The following SLC12A7 variants were observed in gnomAD, a reference collection of about 807,000 sequenced individuals.
The protein encoded by SLC12A7 is K-Cl cotransporter 4.
SLC12A7 carries 100 observed loss-of-function variants against 120.6 expected under a neutral mutation model. The ratio of observed to expected loss-of-function variants is 0.83; its 90% CI spans 0.71 to 0.98. The LOEUF (loss-of-function observed/expected upper bound fraction) is 0.98. Among genes scored for constraint, SLC12A7 ranks in the 50% least tolerant of loss-of-function variants. The pLI is 0.00. For missense variants in SLC12A7, 1,373 were observed against 1,548.1 expected (o/e 0.89, Z 1.90); for synonymous variants, 760 against 678.0 (o/e 1.12, Z -1.88).
In SLC12A7 at chr5:1,089,129, C is replaced by G; in HGVS notation, c.343-1G>C. The stretch of plus-strand genomic sequence containing the variant: ...CGATGAAGGTGCCCATGCGCGGAGC[C>G]TGCGACAGAGCATAGCGTGTCCCAG... On this transcript the variant is annotated splice_acceptor_variant, in intron 3 of 23. Coordinates refer to ENST00000264930, the MANE Select transcript of SLC12A7 (RefSeq NM_006598.3). LOFTEE classifies it high-confidence loss of function. The G allele has an allele frequency of 6.2e-7, 1 of 1,612,446 alleles. No homozygotes were observed. The highest frequency in any genetic ancestry group is 8.5e-7 in the Non-Finnish European group (1 of 1,179,924).
At chr5:1,151,741 C>T in the SLC12A7 span, among the ~76,000 whole-genome samples, 11 of 152,278 alleles carry the variant, frequency 7.2e-5, no homozygotes, top group Non-Finnish European at 1.5e-4. The surrounding 1 kb of genome is among the most constrained non-coding windows in gnomAD (Gnocchi z 6.2). Flanking sequence ...GGGCGCACAG[C>T]TTGTGCTCCC....
In SLC12A7 at chr5:1,088,302, T is replaced by G. The variant is rs780396653; in HGVS notation, c.544+4A>C. 3 of 1,584,390 alleles carry G rather than the reference T, an allele frequency of 1.9e-6. No homozygotes were observed. Among genetic ancestry groups the G allele is most frequent in the Non-Finnish European group, 2.6e-6 (3 of 1,165,942 alleles). On this transcript the variant is annotated splice_donor_region_variant and intron_variant, in intron 5 of 23. Transcript: ENST00000264930. ...CAGGGCCGCGGCTGGCGGGCACCCC[T>G]TACCTGGGACCACACCGTTGGTAGC... is the stretch of plus-strand genomic sequence containing the variant.
At chr5:1,054,036 C>T (rs377437484) in intron 22 of SLC12A7, among the ~76,000 whole-genome samples, 1 of 152,238 alleles carries the variant, frequency 6.6e-6, no homozygotes, top group South Asian at 2.1e-4. Flanking sequence ...TCCCCCACAC[C>T]GGCCTGTGCA....
intron 1 of SLC12A7, among the ~76,000 whole-genome samples, chr5:1,096,701 GAA>G: frequency 1.2e-5 from 1 of 86,506 alleles, no homozygotes; most frequent in Non-Finnish European, 2.4e-5. Context: ...GGAAGGGAGG[GAA>G]GGAAGGAGGG....
chr5:1,111,006 A>G (rs1742958533), intron 1 of SLC12A7, among the ~76,000 whole-genome samples: 1 of 152,150 alleles, frequency 6.6e-6, no homozygotes, highest in Non-Finnish European at 1.5e-5. Context: ...CCTTCCTTCC[A>G]CTGCCAGGGA....
intron 1 of SLC12A7, among the ~76,000 whole-genome samples, chr5:1,097,997 G>A (rs550660940): frequency 1.3e-4 from 20 of 152,032 alleles, no homozygotes; most frequent in African/African-American, 2.4e-4. Context: ...AGTGCGTCCC[G>A]GGGACGTCAT....
intron 1 of SLC12A7, among the ~76,000 whole-genome samples, chr5:1,100,604 C>A (rs1451312247): frequency 6.6e-6 from 1 of 152,208 alleles, no homozygotes; most frequent in Non-Finnish European, 1.5e-5. Context: ...ACGGCGCCCT[C>A]GGGGAGACCG....
At chr5:1,139,072 G>C in the SLC12A7 span, among the ~76,000 whole-genome samples, 1 of 152,126 alleles carries the variant, frequency 6.6e-6, no homozygotes, top group Non-Finnish European at 1.5e-5. Context: ...TGGGGTGGGG[G>C]GGGGGCTCTG....
intron 1 of SLC12A7, among the ~76,000 whole-genome samples, chr5:1,096,866 AAGGG>A (rs1228539184): frequency 3.5e-5 from 2 of 57,472 alleles, no homozygotes; most frequent in Non-Finnish European, 6.1e-5. Context: ...GGGAGGGATG[AAGGG>A]AGGGAGGGAG....
intron 20 of SLC12A7, among the ~76,000 whole-genome samples, chr5:1,060,983 C>T (rs1275379987): frequency 7.9e-5 from 12 of 152,010 alleles, no homozygotes; most frequent in Admixed American, 7.9e-4. Flanking sequence ...CTGCGTCTCA[C>T]CCACTGCACC....
the SLC12A7 span, among the ~76,000 whole-genome samples, chr5:1,139,906 C>T: frequency 3.3e-5 from 5 of 152,206 alleles, no homozygotes; most frequent in African/African-American, 7.2e-5. Flanking sequence ...ACGGCGTTTC[C>T]GGATGCATGG....
intron 4 of SLC12A7, 31 bp downstream of exon 4, chr5:1,088,951 G>C: frequency 6.2e-7 from 1 of 1,611,924 alleles, no homozygotes; most frequent in Non-Finnish European, 8.5e-7. Flanking sequence ...CCGCCCGAAG[G>C]CACAGCCACA....
chr5:1,094,107 T>C (rs1462484301), intron 2 of SLC12A7, 47 bp downstream of exon 2: 3 of 1,524,288 alleles, frequency 2.0e-6, no homozygotes, highest in Admixed American at 1.7e-5. Context: ...CTTTTCCACA[T>C]CAAAGCAACG....
At chr5:1,149,944 C>G in the SLC12A7 span, among the ~76,000 whole-genome samples, 1 of 152,094 alleles carries the variant, frequency 6.6e-6, no homozygotes, top group Non-Finnish European at 1.5e-5. Flanking sequence ...GCAGGAGAAT[C>G]GCTTGAATCT....
At chr5:1,068,902 G>C (rs1412538813) in intron 17 of SLC12A7, among the ~76,000 whole-genome samples, 1 of 152,258 alleles carries the variant, frequency 6.6e-6, no homozygotes, top group African/African-American at 2.4e-5. Context: ...CACACCTCCA[G>C]GGAGGCCAGG....
chr5:1,074,720 C>A (rs763136601), intron 15 of SLC12A7, 49 bp from the exon 16 acceptor site: 1 of 1,556,536 alleles, frequency 6.4e-7, no homozygotes, highest in East Asian at 2.3e-5. Flanking sequence ...CTGGAGGCTC[C>A]TCTCCCACCT....
intron 1 of SLC12A7, among the ~76,000 whole-genome samples, chr5:1,103,412 C>A (rs1190332721): frequency 6.6e-6 from 1 of 152,172 alleles, no homozygotes; most frequent in Admixed American, 6.5e-5. Flanking sequence ...CATGAACACA[C>A]GCCACAGAAA....
At chr5:1,153,651 C>T in the SLC12A7 span, among the ~76,000 whole-genome samples, 2 of 152,198 alleles carry the variant, frequency 1.3e-5, no homozygotes, top group Non-Finnish European at 2.9e-5. Context: ...AACCATTTCC[C>T]CCGGAACAAA....
At chr5:1,086,145 G>A (rs950401901) in intron 6 of SLC12A7, among the ~76,000 whole-genome samples, 6 of 152,168 alleles carry the variant, frequency 3.9e-5, no homozygotes, top group African/African-American at 7.2e-5. Flanking sequence ...CAGGGGACTC[G>A]GGTTGGGACG....
Sources: gnomAD v4.1 joint callset for allele counts (sites outside exome capture counted in the v4.1 genomes callset) on GRCh38, gnomAD v4.1.1 for gene constraint, Gnocchi (gnomAD v3.1) non-coding constraint, MANE v1.5 for transcripts, NCBI Gene and HGNC (gene_info 2026-07-23, HGNC 2026-07-21) for gene names.